The following PPP1R9A variants were observed in gnomAD, a reference collection of about 807,000 sequenced individuals.
PPP1R9A encodes protein phosphatase 1 regulatory subunit 9A.
Under a neutral mutation model 141.9 loss-of-function variants are expected in PPP1R9A, and 59 were observed. The ratio of observed to expected loss-of-function variants is 0.42; its 90% CI spans 0.34 to 0.52. PPP1R9A has a LOEUF of 0.52. Among genes scored for constraint, PPP1R9A ranks in the 20% least tolerant of loss-of-function variants. The probability of loss-of-function intolerance (pLI) is 0.10; values close to 1 mark genes in which losing one functional copy is unlikely to be tolerated. For missense variants in PPP1R9A, 1,444 were observed against 1,611.9 expected, an observed-to-expected ratio of 0.90 and a Z score of 1.78; for synonymous variants, 500 against 569.7, an observed-to-expected ratio of 0.88 and a Z score of 1.74.
intron 2 of PPP1R9A, among the ~76,000 whole-genome samples, chr7:94,983,770 C>T (rs960670181): frequency 2.6e-5 from 4 of 152,174 alleles, no homozygotes; most frequent in Admixed American, 2.0e-4. Flanking sequence ...ATCATGTCAT[C>T]TGCAAACAGG....
At chr7:94,961,444 C>T (rs528439083) in intron 2 of PPP1R9A, among the ~76,000 whole-genome samples, 3 of 151,384 alleles carry the variant, frequency 2.0e-5, no homozygotes, top group African/African-American at 7.2e-5. Flanking sequence ...GTCATCGGGC[C>T]GGACAAATTC....
chr7:95,251,823 G>T lies in PPP1R9A; in HGVS notation c.2458G>T (p.Ala820Ser). 1 of 1,613,898 alleles carries T rather than the reference G, an allele frequency of 6.2e-7. No homozygotes were observed. Among genetic ancestry groups the T allele is most frequent in the Non-Finnish European group, 8.5e-7 (1 of 1,179,886 alleles). The change falls in exon 11 of 20, where the codon GCT becomes TCT. Residue 820 changes from alanine to serine, a missense_variant. By Grantham distance (99) the Ala-to-Ser change is moderately conservative (BLOSUM62 1). This residue lies in a region of PPP1R9A where 488 missense variants were observed against 542.0 expected (regional missense o/e 0.90). Transcript: ENST00000433360. The stretch of plus-strand genomic sequence containing the variant: ...AAAGAAAATAGAAGATTTGGAAAAA[G>T]CTCATCTTGTGGAAGTGCAAGGCCT... ...ERKKIEDLEK[A>S]HLVEVQGLQV... is the part of the protein sequence containing the mutation.
chr7:95,044,402 T>G (rs1809693092), intron 2 of PPP1R9A, among the ~76,000 whole-genome samples: 1 of 152,212 alleles, frequency 6.6e-6, no homozygotes, highest in African/African-American at 2.4e-5. Flanking sequence ...GCCCATGCAG[T>G]ATCATTTGCA....
intron 2 of PPP1R9A, among the ~76,000 whole-genome samples, chr7:95,049,476 G>A (rs978685461): frequency 6.6e-5 from 10 of 152,148 alleles, no homozygotes; most frequent in African/African-American, 2.4e-4. Flanking sequence ...CTCTCCTACT[G>A]TTAAGATCCT....
intron 2 of PPP1R9A, among the ~76,000 whole-genome samples, chr7:95,030,267 G>T (rs1807479591): frequency 6.6e-6 from 1 of 152,048 alleles, no homozygotes; most frequent in Non-Finnish European, 1.5e-5. Context: ...TATTTAGAAA[G>T]ATTTTTAATA....
intron 4 of PPP1R9A, among the ~76,000 whole-genome samples, chr7:95,147,506 G>T (rs1321963478): frequency 6.6e-6 from 1 of 152,134 alleles, no homozygotes; most frequent in Non-Finnish European, 1.5e-5. Flanking sequence ...TTGCCTGATT[G>T]CCCTGGCTAG....
chr7:95,062,499 C>CCACTAA (rs1246192035), intron 2 of PPP1R9A, among the ~76,000 whole-genome samples: 4 of 151,028 alleles, frequency 2.6e-5, no homozygotes, highest in African/African-American at 9.7e-5. Context: ...GCTCACTGCA[C>CCACTAA]CCTCAGCCTC....
chr7:94,978,988 G>T (rs1345289653), intron 2 of PPP1R9A, among the ~76,000 whole-genome samples: 5 of 152,094 alleles, frequency 3.3e-5, no homozygotes, highest in Non-Finnish European at 7.3e-5. Flanking sequence ...GTAAAGATGG[G>T]GTTTTGCCAT....
At chr7:95,275,464 G>A (rs989811638) in intron 16 of PPP1R9A, among the ~76,000 whole-genome samples, 4 of 150,538 alleles carry the variant, frequency 2.7e-5, no homozygotes, top group Non-Finnish European at 5.9e-5. Context: ...TATTGATGAA[G>A]AACTTTACCT....
intron 2 of PPP1R9A, among the ~76,000 whole-genome samples, chr7:94,994,513 T>G (rs1012216288): frequency 6.6e-6 from 1 of 152,250 alleles, no homozygotes. Flanking sequence ...TGAAGTTCCT[T>G]TCTATTCTTT....
At chr7:95,076,645 A>G (rs987480540) in intron 2 of PPP1R9A, among the ~76,000 whole-genome samples, 2 of 152,004 alleles carry the variant, frequency 1.3e-5, no homozygotes, top group East Asian at 3.8e-4. Context: ...TTCCAGGCAA[A>G]CTTAAACTTT....
chr7:95,177,297 C>G (rs1243460804), intron 5 of PPP1R9A, among the ~76,000 whole-genome samples: 1 of 152,060 alleles, frequency 6.6e-6, no homozygotes, highest in African/African-American at 2.4e-5. Flanking sequence ...AAGATACAGT[C>G]TTTTTCAGAC....
At position 95,141,269 on chromosome 7, in the gene PPP1R9A, A is replaced by G. The variant is rs560642743; in HGVS notation, c.1649+20437A>G. Among the ~76,000 whole-genome samples the G allele has an allele frequency of 2.0e-5, 3 of 152,336 alleles. No homozygotes were observed. In the South Asian group the frequency reaches 6.2e-4, roughly 32 times the overall value. ...AAAACTAGGCCAAGTGATTAGAAATATATTTTATTGGAATGATGAAGCTGA... is the reference window on the plus strand; with the variant it reads ...AAAACTAGGCCAAGTGATTAGAAATGTATTTTATTGGAATGATGAAGCTGA... On this transcript the variant is annotated intron_variant, in intron 4 of 19. Transcript: ENST00000433360.
chr7:95,063,694 T>G (rs968250325), intron 2 of PPP1R9A, among the ~76,000 whole-genome samples: 1 of 152,244 alleles, frequency 6.6e-6, no homozygotes, highest in Non-Finnish European at 1.5e-5. Context: ...TGGCGTGCAC[T>G]TGTACACTAT....
In PPP1R9A at chr7:94,910,258, G is replaced by A; in HGVS notation, c.145G>A (p.Glu49Lys). 1 of 1,614,108 alleles carries A rather than the reference G, an allele frequency of 6.2e-7. No individual in the cohort carries two copies. The highest frequency in any genetic ancestry group is 8.5e-7 in the Non-Finnish European group (1 of 1,180,014). ...SDGEQKTKEG[E>K]GSQQSRGRKY... ...TGGGGAACAAAAAACAAAAGAAGGT[G>A]AGGGCTCCCAGCAGAGCAGGGGGAG... Residue 49 changes from glutamate to lysine, a missense_variant, in exon 2 of 20, where the codon GAG (glutamate) becomes AAG (lysine). Glu to Lys is a moderately conservative substitution (Grantham distance 56, BLOSUM62 1). This residue lies in a region of PPP1R9A where 490 missense variants were observed against 521.1 expected (regional missense o/e 0.94). Coordinates refer to ENST00000433360, the MANE Select transcript of PPP1R9A (RefSeq NM_001166160.2). The surrounding 1 kb of genome is among the most constrained non-coding windows in gnomAD (Gnocchi z 4.5).
chr7:95,011,482 C>A (rs1411235062), intron 2 of PPP1R9A, among the ~76,000 whole-genome samples: 1 of 152,126 alleles, frequency 6.6e-6, no homozygotes, highest in Non-Finnish European at 1.5e-5. Flanking sequence ...TATATGTGGT[C>A]TTATCCTTTT....
chr7:95,188,600 G>GTTT (rs150725765), intron 5 of PPP1R9A, among the ~76,000 whole-genome samples: 2 of 133,412 alleles, frequency 1.5e-5, no homozygotes, highest in Non-Finnish European at 3.2e-5. Context: ...GTTGTGTTTT[G>GTTT]TTTTTTTTTT....
At chr7:94,909,193 C>T (rs781081542) in intron 1 of PPP1R9A, among the ~76,000 whole-genome samples, 1 of 152,186 alleles carries the variant, frequency 6.6e-6, no homozygotes, top group Non-Finnish European at 1.5e-5. Context: ...TTGTCACATT[C>T]TTACGCATTT....
At chr7:95,026,723 G>C (rs1321236061) in intron 2 of PPP1R9A, among the ~76,000 whole-genome samples, 1 of 152,128 alleles carries the variant, frequency 6.6e-6, no homozygotes, top group South Asian at 2.1e-4. Flanking sequence ...AGGGAGATGG[G>C]GGTTTTATTT....
Sources: gnomAD v4.1 joint callset for allele counts (sites outside exome capture counted in the v4.1 genomes callset) on GRCh38, gnomAD v4.1.1 for gene constraint, gnomAD v4.1.1 regional missense constraint, Gnocchi (gnomAD v3.1) non-coding constraint, MANE v1.5 for transcripts, NCBI Gene and HGNC (gene_info 2026-07-23, HGNC 2026-07-21) for gene names.